GATB: variants seen among roughly 807,000 people sequenced by gnomAD.
The protein encoded by GATB is glutamyl-tRNA amidotransferase subunit B, also known as glutamyl-tRNA(Gln) amidotransferase subunit B, mitochondrial.
In GATB, 39 loss-of-function variants were observed where a neutral mutation model predicts 62.3. That is an observed-to-expected ratio of 0.63 (90% CI 0.48 to 0.82). The LOEUF (loss-of-function observed/expected upper bound fraction) is 0.82, where lower values mean the gene tolerates loss of function less well. Ranked by LOEUF, GATB falls within the 40% of genes least tolerant of loss-of-function variation. GATB has a pLI of 0.00. For missense variants in GATB, 670 were observed against 684.0 expected, an observed-to-expected ratio of 0.98 and a Z score of 0.23; for synonymous variants, 276 against 258.9, an observed-to-expected ratio of 1.07 and a Z score of -0.63.
chr4:151,752,781 T>C (rs6848916), intron 2 of GATB, among the ~76,000 whole-genome samples: 392 of 152,338 alleles, frequency 2.6e-3, no homozygotes, highest in African/African-American at 9.0e-3. Context: ...GCTTTGTCTA[T>C]CATGTTGGAG....
chr4:151,689,962 C>T (rs1202436850), intron 9 of GATB, among the ~76,000 whole-genome samples: 1 of 152,048 alleles, frequency 6.6e-6, no homozygotes, highest in African/African-American at 2.4e-5. Context: ...CTGAAATTTC[C>T]AAATTCAGAG....
intron 2 of GATB, chr4:151,721,424 T>G (rs1739029284): frequency 6.6e-6 from 1 of 152,220 alleles, no homozygotes. Context: ...CAAGAAAAGA[T>G]GTGTGGGGAA....
Position 151,671,200 on chromosome 4 carries a change from TCTC to T in GATB, c.1645_1647del (p.Glu549del). ...CACAATGACAGCTTCTTCTCCAGGA[TCTC>T]CTTTATCATGACTGGATCTGCTCGG... On this transcript the variant is annotated inframe_deletion, in exon 13 of 13. Coordinates refer to ENST00000263985, the MANE Select transcript of GATB (RefSeq NM_004564.3). 6.2e-7 allele frequency: 1 copy of T among 1,614,132 alleles called. No homozygotes were observed. The highest frequency in any genetic ancestry group is 8.5e-7 in the Non-Finnish European group (1 of 1,180,022).
intron 2 of GATB, among the ~76,000 whole-genome samples, chr4:151,746,896 T>C (rs1739611701): frequency 6.6e-6 from 1 of 152,010 alleles, no homozygotes; most frequent in African/African-American, 2.4e-5. Flanking sequence ...TACACAGATG[T>C]GTACATGCCC....
chr4:151,717,812 A>G (rs1184767484), intron 3 of GATB, among the ~76,000 whole-genome samples: 1 of 152,236 alleles, frequency 6.6e-6, no homozygotes, highest in African/African-American at 2.4e-5. Flanking sequence ...GGAGAAGAAC[A>G]GAGAATAAAA....
rs1013085261 is a variant in GATB, at chr4:151,670,968, G to A, written c.*206C>T. ...TCCTGATGTGGATGAAGCAGGCGGG[G>A]TGGCTGCTGGTCGGCTGTGGAGGCA... is the stretch of plus-strand genomic sequence containing the variant. On this transcript the variant is annotated 3_prime_UTR_variant, in exon 13 of 13. Coordinates refer to ENST00000263985, the MANE Select transcript of GATB (RefSeq NM_004564.3). 34 of 572,364 alleles carry A rather than the reference G, an allele frequency of 5.9e-5. No homozygotes were observed. The highest frequency in any genetic ancestry group is 4.8e-4 in the African/African-American group (26 of 53,868). The allele number at this position is 572,364 out of a possible 1,614,324, so 35.5% of individuals were successfully genotyped here.
chr4:151,700,939 C>G (rs1738589484), intron 9 of GATB, among the ~76,000 whole-genome samples: 1 of 152,192 alleles, frequency 6.6e-6, no homozygotes, highest in Admixed American at 6.5e-5. Flanking sequence ...TCCTGCCAGC[C>G]CTGTCATGGC....
chr4:151,756,536 A>G (rs1261283171), intron 2 of GATB, among the ~76,000 whole-genome samples: 1 of 152,154 alleles, frequency 6.6e-6, no homozygotes, highest in Non-Finnish European at 1.5e-5. Flanking sequence ...TGTCTACAGA[A>G]TAACCCATCT....
intron 2 of GATB, among the ~76,000 whole-genome samples, chr4:151,757,500 T>C (rs889839993): frequency 1.6e-5 from 2 of 122,422 alleles, no homozygotes; most frequent in African/African-American, 6.8e-5. Flanking sequence ...TGAGATGGAG[T>C]CTCGCTCTGT....
At chr4:151,688,874 T>C (rs1375202053) in intron 9 of GATB, 111 bp from the exon 10 acceptor site, 9 of 1,017,748 alleles carry the variant, frequency 8.8e-6, no homozygotes, top group Non-Finnish European at 1.1e-5. Context: ...GACAGCCACT[T>C]TTTCTTTGCT....
chr4:151,722,285 GTC>G, intron 2 of GATB: 1 of 692,114 alleles, frequency 1.4e-6, no homozygotes, highest in Non-Finnish European at 2.6e-6. Flanking sequence ...ATAGGACTCT[GTC>G]TCTGCCCTCA....
intron 2 of GATB, among the ~76,000 whole-genome samples, chr4:151,752,099 T>C (rs920427859): frequency 1.3e-5 from 2 of 152,188 alleles, no homozygotes; most frequent in Admixed American, 6.5e-5. Context: ...TAATTTTTTT[T>C]CCCCTAAGAA....
chr4:151,692,109 G>C (rs925991604), intron 9 of GATB, among the ~76,000 whole-genome samples: 1 of 152,180 alleles, frequency 6.6e-6, no homozygotes, highest in Non-Finnish European at 1.5e-5. Context: ...CACTGTCTAC[G>C]CACTCTCTCC....
At chr4:151,689,693 ACGG>A (rs376796002) in intron 9 of GATB, among the ~76,000 whole-genome samples, 54 of 152,258 alleles carry the variant, frequency 3.5e-4, no homozygotes, top group African/African-American at 1.3e-3. Flanking sequence ...ATATCAGCAG[ACGG>A]AATTGGTGTC....
In GATB at chr4:151,728,256, A is replaced by G. The variant is rs1252542285; in HGVS notation, c.328-8718T>C. On this transcript the variant is annotated intron_variant, in intron 2 of 12. Transcript: ENST00000263985. ...AAGTTACAAACCAGTTAACTGAGCC[A>G]ATTTTTACTCCCATCTCATTCTTGC... 2.6e-5 allele frequency among the ~76,000 whole-genome samples: 4 copies of G among 152,364 alleles called. No homozygotes were observed. In the East Asian group the frequency reaches 7.7e-4, roughly 29 times the overall value.
At position 151,716,065 on chromosome 4, in the gene GATB, A is replaced by T. The variant is rs138063181; in HGVS notation, c.707T>A (p.Val236Asp). Reference sequence around the variant, plus strand: ...TTGAAGGATCAGCTGCAGCTCCCTGACAGCTGTTGCCGCCTCTTCTCCACA... The same window carrying T: ...TTGAAGGATCAGCTGCAGCTCCCTGTCAGCTGTTGCCGCCTCTTCTCCACA... ...MSCGEEAATA[V>D]RELQLILQAL... is the part of the protein sequence containing the mutation. The change falls in exon 5 of 13, where the codon GTC (valine) becomes GAC (aspartate). Residue 236 changes from valine to aspartate, a missense_variant. Coordinates refer to ENST00000263985, the MANE Select transcript of GATB (RefSeq NM_004564.3). 7.4e-5 allele frequency: 119 copies of T among 1,613,762 alleles called. No individual in the cohort carries two copies. Among genetic ancestry groups the T allele is most frequent in the Non-Finnish European group, 9.7e-5 (114 of 1,179,898 alleles).
chr4:151,715,950 G>A, intron 5 of GATB, 59 bp downstream of exon 5: 1 of 1,564,254 alleles, frequency 6.4e-7, no homozygotes, highest in Admixed American at 1.9e-5. Flanking sequence ...TAAAGTCAGA[G>A]AGGTTCTAGA....
intron 2 of GATB, chr4:151,723,676 G>A (rs1739074246): frequency 6.6e-6 from 1 of 152,180 alleles, no homozygotes; most frequent in African/African-American, 2.4e-5. Context: ...GGAGTGCTTG[G>A]TGATGGGTGA....
chr4:151,673,052 GC>G, intron 11 of GATB, 156 bp from the exon 12 acceptor site: 1 of 885,534 alleles, frequency 1.1e-6, no homozygotes, highest in Non-Finnish European at 1.7e-6. Context: ...AGGGCACCTG[GC>G]TGCCCTGCCA....
Sources: gnomAD v4.1 joint callset for allele counts (sites outside exome capture counted in the v4.1 genomes callset) on GRCh38, gnomAD v4.1.1 for gene constraint, MANE v1.5 for transcripts, NCBI Gene and HGNC (gene_info 2026-07-23, HGNC 2026-07-21) for gene names.